Variants in ZNF385D observed in about 807,000 individuals in gnomAD.
ZNF385D encodes zinc finger protein 385D, also known as zinc finger protein 659.
ZNF385D carries 15 observed loss-of-function variants against 35.8 expected under a neutral mutation model. That is an observed-to-expected ratio of 0.42 (90% confidence interval 0.28 to 0.64). The LOEUF (loss-of-function observed/expected upper bound fraction) is 0.64. Among genes scored for constraint, ZNF385D ranks in the 30% least tolerant of loss-of-function variants. The pLI is 0.23. For synonymous variants in ZNF385D, 212 were observed against 186.8 expected, an observed-to-expected ratio of 1.13 and a Z score of -1.10; for missense variants, 474 against 494.6, an observed-to-expected ratio of 0.96 and a Z score of 0.39.
chr3:21,850,425 CTT>C (rs973519297), intron 3 of ZNF385D, among the ~76,000 whole-genome samples: 1 of 152,056 alleles, frequency 6.6e-6, no homozygotes, highest in African/African-American at 2.4e-5. Flanking sequence ...GCAGTAGTCT[CTT>C]TGAGCTGTAG....
rs549684479 is a variant in ZNF385D at position 21,860,882 on chromosome 3, G to A, written c.326-195854C>T. 3.3e-5 allele frequency among the ~76,000 whole-genome samples: 5 copies of A among 152,204 alleles called. 1 individual carries two copies. The South Asian group carries it at 1.0e-3, about 32-fold the overall frequency. ...CAAACCAAATGAAAAGGGGCAGACT[G>A]TAATAACATCCATTTAGATTCGATG... is the stretch of plus-strand genomic sequence containing the variant. On this transcript the variant is annotated intron_variant, in intron 3 of 5. Coordinates refer to the ZNF385D transcript ENST00000494108.
chr3:21,836,270 T>C (rs1426555737), intron 3 of ZNF385D, among the ~76,000 whole-genome samples: 1 of 152,160 alleles, frequency 6.6e-6, no homozygotes, highest in African/African-American at 2.4e-5. Context: ...TAAATCATTT[T>C]CGTGTCACTT....
chr3:21,575,439 T>A (rs2063469241), intron 2 of ZNF385D, among the ~76,000 whole-genome samples: 1 of 152,170 alleles, frequency 6.6e-6, no homozygotes, highest in East Asian at 1.9e-4. Context: ...AAACCCAAAT[T>A]TGATGATTTG....
rs143510242 is a variant in ZNF385D, at chr3:22,096,820, C to G, written c.325+71997G>C. 8.4e-3 allele frequency among the ~76,000 whole-genome samples: 1,283 copies of G among 152,150 alleles called. 58 individuals are homozygous for G. The highest frequency in any genetic ancestry group is 0.077 in the Admixed American group (1,172 of 15,238). ...GTTTTAAAAATATGGCCTCACAATTCTCTGATGCTCCTCTCATTGAGAGAA... is the reference window on the plus strand; with the variant it reads ...GTTTTAAAAATATGGCCTCACAATTGTCTGATGCTCCTCTCATTGAGAGAA... On this transcript the variant is annotated intron_variant, in intron 3 of 5. Transcript: ENST00000494108.
At chr3:22,215,368 C>T (rs954293577) in intron 2 of ZNF385D, among the ~76,000 whole-genome samples, 2 of 151,896 alleles carry the variant, frequency 1.3e-5, no homozygotes, top group African/African-American at 2.4e-5. Context: ...GGAGAAATAT[C>T]GCTGAATTCT....
At chr3:21,874,570 T>G (rs574836579) in intron 3 of ZNF385D, among the ~76,000 whole-genome samples, 1 of 152,200 alleles carries the variant, frequency 6.6e-6, no homozygotes, top group Non-Finnish European at 1.5e-5. Context: ...CATGTGTCTG[T>G]CTTTAAAATG....
At chr3:21,690,120 A>G (rs561560179) in intron 1 of ZNF385D, among the ~76,000 whole-genome samples, 15 of 152,264 alleles carry the variant, frequency 9.9e-5, no homozygotes, top group African/African-American at 3.6e-4. Context: ...TATTTCAGTA[A>G]AAAATCCATT....
intron 3 of ZNF385D, among the ~76,000 whole-genome samples, chr3:21,846,197 G>A (rs951082584): frequency 2.0e-5 from 3 of 152,014 alleles, no homozygotes; most frequent in African/African-American, 7.2e-5. Context: ...ATGGTAGAGT[G>A]AGGAATTTGA....
intron 4 of ZNF385D, among the ~76,000 whole-genome samples, chr3:21,452,540 G>T (rs1023917728): frequency 6.6e-6 from 1 of 151,838 alleles, no homozygotes; most frequent in Admixed American, 6.6e-5. Flanking sequence ...ATATCCACAA[G>T]AACCCCCAAA....
intron 3 of ZNF385D, among the ~76,000 whole-genome samples, chr3:21,559,774 C>T (rs1189621550): frequency 6.6e-6 from 1 of 152,224 alleles, no homozygotes; most frequent in Non-Finnish European, 1.5e-5. Flanking sequence ...TGGTTCCATT[C>T]TCCCTGTCAC....
At position 21,421,299 on chromosome 3, in the gene ZNF385D, G is replaced by A. The variant is rs1171759885; in HGVS notation, c.1103C>T (p.Thr368Ile). The A allele has an allele frequency of 6.8e-6, 11 of 1,614,026 alleles. No homozygotes were observed. Among genetic ancestry groups the A allele is most frequent in the African/African-American group, 1.3e-5 (1 of 74,932 alleles). ...RTAPAATLFQTSALPPALLRP... is the reference protein window; with the variant it reads ...RTAPAATLFQISALPPALLRP... ...CAGGAGTGCCGGAGGAAGCGCGGAA[G>A]TCTGGAACAGTGTTGCTGCTGGAGC... Residue 368 changes from threonine (T) to isoleucine (I), a missense_variant, in exon 8 of 8, where the codon ACT becomes ATT. Coordinates refer to ENST00000281523, the MANE Select transcript of ZNF385D (RefSeq NM_024697.3).
intron 2 of ZNF385D, among the ~76,000 whole-genome samples, chr3:22,243,069 T>C (rs1321261743): frequency 4.6e-5 from 7 of 151,026 alleles, no homozygotes; most frequent in African/African-American, 1.7e-4. Flanking sequence ...TTCTGTGCAT[T>C]AAATAGCACT....
At chr3:22,202,903 A>T (rs1696897483) in intron 2 of ZNF385D, among the ~76,000 whole-genome samples, 1 of 152,118 alleles carries the variant, frequency 6.6e-6, no homozygotes, top group African/African-American at 2.4e-5. Context: ...TTTTGGCAAG[A>T]CTTGCCACTG....
chr3:22,020,701 A>G (rs1697170277), intron 3 of ZNF385D, among the ~76,000 whole-genome samples: 2 of 152,044 alleles, frequency 1.3e-5, no homozygotes, highest in African/African-American at 4.8e-5. Context: ...TATAGCCTCT[A>G]TGAAAAGCAG....
At chr3:22,279,972 G>T (rs1366301564) in intron 2 of ZNF385D, among the ~76,000 whole-genome samples, 1 of 151,822 alleles carries the variant, frequency 6.6e-6, no homozygotes, top group Non-Finnish European at 1.5e-5. Context: ...TAAAATTATG[G>T]CCATTCTTGC....
At chr3:21,700,699 G>A (rs1003953439) in intron 1 of ZNF385D, among the ~76,000 whole-genome samples, 1 of 152,180 alleles carries the variant, frequency 6.6e-6, no homozygotes, top group Non-Finnish European at 1.5e-5. Flanking sequence ...TTTCCATAGA[G>A]AGGTGTTGTA....
At chr3:22,365,730 T>C (rs1264117591) in intron 2 of ZNF385D, among the ~76,000 whole-genome samples, 1 of 152,244 alleles carries the variant, frequency 6.6e-6, no homozygotes, top group Admixed American at 6.5e-5. Context: ...GTGTTTGATA[T>C]AGTTTCTTTT....
At chr3:22,189,110 C>T (rs918848333) in intron 2 of ZNF385D, among the ~76,000 whole-genome samples, 44 of 151,928 alleles carry the variant, frequency 2.9e-4, no homozygotes, top group African/African-American at 1.0e-3. Flanking sequence ...CAGTTTTTTT[C>T]AGGTGGAATT....
chr3:21,899,520 G>C (rs1699298059), intron 3 of ZNF385D, among the ~76,000 whole-genome samples: 1 of 152,054 alleles, frequency 6.6e-6, no homozygotes, highest in Non-Finnish European at 1.5e-5. Flanking sequence ...TTTACAACAA[G>C]TTCCCAGGTG....
Sources: gnomAD v4.1 joint callset for allele counts (sites outside exome capture counted in the v4.1 genomes callset) on GRCh38, gnomAD v4.1.1 for gene constraint, MANE v1.5 for transcripts, NCBI Gene and HGNC (gene_info 2026-07-23, HGNC 2026-07-21) for gene names.